Variants in LRBA observed in about 807,000 individuals in gnomAD.
LRBA encodes lipopolysaccharide-responsive and beige-like anchor protein.
LRBA carries 176 observed loss-of-function variants against 330.0 expected under a neutral mutation model. The ratio of observed to expected loss-of-function variants is 0.53; its 90% confidence interval spans 0.47 to 0.60. The LOEUF is 0.60. Ranked by LOEUF, LRBA falls within the 20% of genes least tolerant of loss-of-function variation. The probability of loss-of-function intolerance (pLI) is 0.00; values close to 1 mark genes in which losing one functional copy is unlikely to be tolerated. For synonymous variants in LRBA, 1,230 were observed against 1,193.0 expected, an observed-to-expected ratio of 1.03 and a Z score of -0.64; for missense variants, 3,259 against 3,444.8, an observed-to-expected ratio of 0.95 and a Z score of 1.35.
intron 37 of LRBA, among the ~76,000 whole-genome samples, chr4:150,604,101 T>C (rs1029312047): frequency 6.6e-6 from 1 of 152,186 alleles, no homozygotes; most frequent in African/African-American, 2.4e-5. Flanking sequence ...CTATTATTTT[T>C]CTCATGTTAA....
intron 40 of LRBA, among the ~76,000 whole-genome samples, chr4:150,514,291 T>G (rs1040083141): frequency 6.6e-6 from 1 of 152,096 alleles, no homozygotes; most frequent in Non-Finnish European, 1.5e-5. Context: ...AGGCTGGTCA[T>G]GAACTCCTGA....
chr4:150,378,083 T>A (rs78625958), intron 47 of LRBA, among the ~76,000 whole-genome samples: 3,742 of 152,230 alleles, frequency 0.025, 142 homozygotes, highest in African/African-American at 0.085. Context: ...AAATGTCCCA[T>A]ATCTTGTCAT....
intron 44 of LRBA, among the ~76,000 whole-genome samples, chr4:150,439,286 C>T (rs1165209110): frequency 6.6e-6 from 1 of 151,960 alleles, no homozygotes; most frequent in Non-Finnish European, 1.5e-5. Context: ...TATAGAATCA[C>T]GTTTCTTGAA....
At chr4:150,825,379 A>AG (rs989356688) in intron 30 of LRBA, among the ~76,000 whole-genome samples, 2 of 151,708 alleles carry the variant, frequency 1.3e-5, no homozygotes, top group South Asian at 2.1e-4. Flanking sequence ...TTTATGGGGC[A>AG]GGGGGGGAAG....
chr4:150,508,737 G>A (rs1049080990), intron 40 of LRBA, among the ~76,000 whole-genome samples: 3 of 152,068 alleles, frequency 2.0e-5, no homozygotes, highest in African/African-American at 7.2e-5. Flanking sequence ...AAAACTGAGA[G>A]AACTGAAAGA....
At chr4:150,832,682 T>C (rs1747377380) in intron 28 of LRBA, among the ~76,000 whole-genome samples, 1 of 152,010 alleles carries the variant, frequency 6.6e-6, no homozygotes, top group Non-Finnish European at 1.5e-5. Flanking sequence ...AAAACTAAAA[T>C]ACATAAAATA....
At chr4:150,980,858 A>T (rs1561087477) in intron 2 of LRBA, among the ~76,000 whole-genome samples, 1 of 152,138 alleles carries the variant, frequency 6.6e-6, no homozygotes, top group Non-Finnish European at 1.5e-5. Flanking sequence ...TCTGAACATG[A>T]AATGAAAAAA....
At chr4:150,519,376 A>T (rs1351414753) in intron 40 of LRBA, among the ~76,000 whole-genome samples, 1 of 152,158 alleles carries the variant, frequency 6.6e-6, no homozygotes, top group African/African-American at 2.4e-5. Flanking sequence ...CACTGTCAAC[A>T]TCTCCTGTAA....
Position 150,849,450 on chromosome 4 carries a change from G to A in LRBA, c.4130C>T (p.Pro1377Leu). The change falls in exon 25 of 57, where the codon CCA (proline) becomes CTA (leucine). Residue 1377 changes from proline (P) to leucine (L), a missense_variant. Physicochemically the swap from Pro to Leu is moderately conservative, Grantham distance 98. Transcript: ENST00000651943. ...NMVMACGGIL[P>L]LLSAATSATH... The stretch of plus-strand genomic sequence containing the variant: ...AGCCGATGTAGCAGCTGAAAGCAAT[G>A]GCAGTATACCCCCACAAGCCATGAC... The A allele has an allele frequency of 1.2e-6, 2 of 1,613,926 alleles. No individual in the cohort carries two copies. Among genetic ancestry groups the A allele is most frequent in the Non-Finnish European group, 1.7e-6 (2 of 1,179,852 alleles).
intron 53 of LRBA, among the ~76,000 whole-genome samples, chr4:150,300,840 C>T (rs1483159701): frequency 6.6e-6 from 1 of 152,060 alleles, no homozygotes; most frequent in Non-Finnish European, 1.5e-5. Context: ...ATAGTAATTA[C>T]ATACAAGTGT....
intron 15 of LRBA, among the ~76,000 whole-genome samples, chr4:150,897,131 G>C (rs1055524613): frequency 6.6e-6 from 1 of 151,560 alleles, no homozygotes; most frequent in Non-Finnish European, 1.5e-5. Context: ...GAATCTGAAA[G>C]GTATACTAAA....
In LRBA at chr4:150,625,998, AT is replaced by A. The variant is rs112617055; in HGVS notation, c.5922-26868del. On this transcript the variant is annotated intron_variant, in intron 37 of 56. Transcript: ENST00000651943. ...TGAGCCACAGTCCTTGGCCGGATAT[AT>A]TTTTTTTTTTTGGAAGCTTTCCATG... Among the ~76,000 whole-genome samples the A allele has an allele frequency of 4.4e-3, 634 of 145,478 alleles. 1 individual carries two copies. Among genetic ancestry groups the A allele is most frequent in the African/African-American group, 0.011 (457 of 40,008 alleles).
intron 47 of LRBA, among the ~76,000 whole-genome samples, chr4:150,397,477 T>C (rs1744889662): frequency 6.6e-6 from 1 of 152,034 alleles, no homozygotes; most frequent in Non-Finnish European, 1.5e-5. Context: ...GGGGTCTTAC[T>C]ATGTTGTCCA....
chr4:150,770,147 G>A lies in LRBA; in HGVS notation c.5581-8300C>T, dbSNP rs150785328. 1.6e-3 allele frequency among the ~76,000 whole-genome samples: 244 copies of A among 152,218 alleles called. 1 individual carries two copies. Among genetic ancestry groups the A allele is most frequent in the Non-Finnish European group, 2.8e-3 (191 of 68,014 alleles). On this transcript the variant is annotated intron_variant, in intron 34 of 56. Coordinates refer to ENST00000651943, the MANE Select transcript of LRBA (RefSeq NM_001364905.1). The stretch of plus-strand genomic sequence containing the variant: ...AGTGGGAGTTCATCTGTTTCTGTTG[G>A]GAAAGACATCCTCTTCACTTGCCCT...
At chr4:150,329,408 T>C (rs1733707729) in intron 48 of LRBA, among the ~76,000 whole-genome samples, 1 of 151,748 alleles carries the variant, frequency 6.6e-6, no homozygotes, top group Non-Finnish European at 1.5e-5. Flanking sequence ...ATTTGCCATT[T>C]TTCATTCATC....
intron 4 of LRBA, 152 bp downstream of exon 4, chr4:150,928,364 A>G (rs1734101707): frequency 7.1e-6 from 4 of 563,332 alleles, no homozygotes; most frequent in South Asian, 2.9e-5. Context: ...CAAGTATGGC[A>G]CGAGTAGCCA....
At chr4:150,940,234 T>G (rs1735523315) in intron 2 of LRBA, among the ~76,000 whole-genome samples, 2 of 57,046 alleles carry the variant, frequency 3.5e-5, no homozygotes. Context: ...CAAGACCTGG[T>G]CTCTTAAAAA....
At position 150,489,343 on chromosome 4, in the gene LRBA, TAAA is replaced by T. The variant is rs1758473655; in HGVS notation, c.6449-1512_6449-1510del. On this transcript the variant is annotated intron_variant, in intron 41 of 56. Transcript: ENST00000651943. ...ATAAAATATATTACATATAAGAATA[TAAA>T]ATATATTACATATAAGAATATAAAA... Among the ~76,000 whole-genome samples the T allele has an allele frequency of 1.8e-4, 14 of 78,282 alleles. 3 individuals are homozygous for T. Among genetic ancestry groups the T allele is most frequent in the Non-Finnish European group, 3.0e-4 (13 of 43,446 alleles). 51.4% of individuals were successfully genotyped at this position (78,282 alleles called of 152,430 possible). A position where few individuals can be genotyped will look rare whatever the true frequency, so the allele number is the denominator to read the frequency against.
At chr4:150,731,114 T>C (rs1202717657) in intron 36 of LRBA, among the ~76,000 whole-genome samples, 1 of 152,158 alleles carries the variant, frequency 6.6e-6, no homozygotes, top group Non-Finnish European at 1.5e-5. Context: ...CGAGTTAAAA[T>C]GGCTTGTATC....
Sources: allele counts gnomAD v4.1 joint callset (sites outside exome capture counted in the v4.1 genomes callset), GRCh38; gene constraint gnomAD v4.1.1; transcripts MANE v1.5; gene names NCBI Gene and HGNC (gene_info 2026-07-23, HGNC 2026-07-21).